The following CCNJL variants were observed in gnomAD, a reference collection of about 807,000 sequenced individuals.
CCNJL encodes the protein cyclin J like.
Under a neutral mutation model 33.4 loss-of-function variants are expected in CCNJL, and 33 were observed. The observed-to-expected ratio is 0.99, with a 90% CI of 0.75 to 1.32. CCNJL has a LOEUF of 1.32. Among genes scored for constraint, CCNJL ranks in the 40% most tolerant of loss-of-function variants. The pLI is 0.00. For synonymous variants in CCNJL, 227 were observed against 220.9 expected (o/e 1.03, Z -0.24); for missense variants, 512 against 499.7 (o/e 1.02, Z -0.23).
At chr5:160,323,262 A>ATTTG (rs1425888370) in intron 1 of CCNJL, among the ~76,000 whole-genome samples, 1 of 151,704 alleles carries the variant, frequency 6.6e-6, no homozygotes, top group Non-Finnish European at 1.5e-5. Context: ...TCCCTCAAAA[A>ATTTG]TTTGTTTGTT....
chr5:160,271,119 A>G (rs1389599245), intron 3 of CCNJL, among the ~76,000 whole-genome samples: 1 of 152,214 alleles, frequency 6.6e-6, no homozygotes, highest in East Asian at 1.9e-4. Context: ...ACACATAAAA[A>G]TAATCTCTAA....
intron 1 of CCNJL, among the ~76,000 whole-genome samples, chr5:160,320,858 T>C (rs1435656941): frequency 5.2e-4 from 75 of 143,212 alleles, no homozygotes; most frequent in African/African-American, 1.8e-3. Flanking sequence ...TCCTTCTTTC[T>C]TTCTTTCTTT....
chr5:160,288,756 G>A (rs1054237632), intron 2 of CCNJL, among the ~76,000 whole-genome samples: 4 of 151,256 alleles, frequency 2.6e-5, no homozygotes, highest in Admixed American at 6.6e-5. Context: ...CATGAACCCG[G>A]GGGGGCGGAG....
chr5:160,254,536 A>C, intron 5 of CCNJL: 1 of 431,944 alleles, frequency 2.3e-6, no homozygotes, highest in Non-Finnish European at 4.1e-6. Context: ...AGCTGCCAGC[A>C]AAGCTTCCCA....
chr5:160,282,369 CAG>C (rs377602562), intron 2 of CCNJL, among the ~76,000 whole-genome samples: 1,803 of 152,196 alleles, frequency 0.012, 33 homozygotes, highest in African/African-American at 0.04. Context: ...TAGAAGAAAA[CAG>C]GGGGAAATCT....
intron 1 of CCNJL, among the ~76,000 whole-genome samples, chr5:160,320,863 T>TTCTTTCTTTCTTTCTC (rs1763440840): frequency 7.1e-6 from 1 of 141,226 alleles, no homozygotes; most frequent in Non-Finnish European, 1.6e-5. Context: ...CTTTCTTTCT[T>TTCTTTCTTTCTTTCTC]TCTTTCTCTC....
At chr5:160,281,534 A>G (rs1234598634) in intron 2 of CCNJL, 1 of 152,346 alleles carries the variant, frequency 6.6e-6, no homozygotes, top group East Asian at 1.9e-4. Flanking sequence ...TAACTCAAGA[A>G]AAACCAATAA....
chr5:160,280,768 G>A (rs987800964), intron 2 of CCNJL, 30 bp from the exon 3 acceptor site: 14 of 1,446,398 alleles, frequency 9.7e-6, no homozygotes, highest in African/African-American at 1.4e-5. Flanking sequence ...GAGGGGTGAC[G>A]GTCAGGGCTG....
chr5:160,300,615 T>C (rs1472795183), intron 2 of CCNJL, among the ~76,000 whole-genome samples: 1 of 152,164 alleles, frequency 6.6e-6, no homozygotes, highest in African/African-American at 2.4e-5. Context: ...CTTCTTCCAG[T>C]GTGGCCCAAG....
intron 1 of CCNJL, among the ~76,000 whole-genome samples, chr5:160,321,668 G>A (rs1246349570): frequency 6.6e-6 from 1 of 152,116 alleles, no homozygotes; most frequent in Non-Finnish European, 1.5e-5. Flanking sequence ...CTGGCCGGGC[G>A]CGGTGGCTCA....
upstream of CCNJL, chr5:160,315,482 G>C (rs773771576): frequency 4.6e-6 from 2 of 432,140 alleles, no homozygotes; most frequent in Non-Finnish European, 9.5e-6. Context: ...ACTCCAGCCT[G>C]GGCAACAGAG....
At chr5:160,318,410 A>G (rs575570002) in intron 1 of CCNJL, among the ~76,000 whole-genome samples, 3 of 152,334 alleles carry the variant, frequency 2.0e-5, no homozygotes, top group South Asian at 2.1e-4. Context: ...CAATGAACCT[A>G]TTTCCTAATA....
chr5:160,330,660 C>G (rs1763594847), intron 1 of CCNJL, among the ~76,000 whole-genome samples: 1 of 106,346 alleles, frequency 9.4e-6, no homozygotes, highest in South Asian at 2.8e-4. Flanking sequence ...CTGCTCCTGT[C>G]TTTTCTTTTC....
At chr5:160,336,681 A>T (rs1182258398) in intron 1 of CCNJL, among the ~76,000 whole-genome samples, 1 of 152,062 alleles carries the variant, frequency 6.6e-6, no homozygotes, top group African/African-American at 2.4e-5. Flanking sequence ...AACAAACTCT[A>T]TTTACTCACC....
chr5:160,273,444 A>T (rs1761906392), intron 3 of CCNJL, among the ~76,000 whole-genome samples: 1 of 152,118 alleles, frequency 6.6e-6, no homozygotes, highest in South Asian at 2.1e-4. Flanking sequence ...TTGACACCAA[A>T]ATCACCAACA....
rs1179756550 is a variant in CCNJL, at chr5:160,255,641, G to A, written c.651C>T (p.Cys217=). The change falls in exon 5 of 6, where the codon TGC becomes TGT. Residue 217 remains cysteine (C), a synonymous_variant. Coordinates refer to ENST00000257536, the MANE Select transcript of CCNJL (RefSeq NM_001308173.3). ...TGGTCCAGTAGGGAGAAAGCTGCAG[G>A]CAAATCCTGGAGGCCCCAACACAGG... ...AAACVGASRI[C]LQLSPYWTRD... The A allele has an allele frequency of 6.2e-7, 1 of 1,613,892 alleles. No individual in the cohort carries two copies. Among genetic ancestry groups the A allele is most frequent in the African/African-American group, 1.3e-5 (1 of 74,922 alleles).
At position 160,277,925 on chromosome 5, in the gene CCNJL, G is replaced by A. The variant is rs145282954; in HGVS notation, c.280+2600C>T. Among the ~76,000 whole-genome samples, 958 of 151,330 alleles carry A rather than the reference G, an allele frequency of 6.3e-3. 6 individuals carry two copies. The highest frequency in any genetic ancestry group is 0.022 in the African/African-American group (912 of 41,228). ...GCCTGGCTAATTGCTTTTTTTTTCTGAGATGGGGTTTCGTTCTTGTTGCCC... is the reference window on the plus strand; with the variant it reads ...GCCTGGCTAATTGCTTTTTTTTTCTAAGATGGGGTTTCGTTCTTGTTGCCC... On this transcript the variant is annotated intron_variant, in intron 3 of 5. Coordinates refer to ENST00000257536, the MANE Select transcript of CCNJL (RefSeq NM_001308173.3).
chr5:160,253,123 G>T lies in CCNJL; in HGVS notation c.*255C>A. 1 of 394,936 alleles carries T rather than the reference G, an allele frequency of 2.5e-6. No individual in the cohort carries two copies. 24.5% of individuals were successfully genotyped at this position (394,936 alleles called of 1,614,324 possible). A position where few individuals can be genotyped will look rare whatever the true frequency, so the allele number is the denominator to read the frequency against. Reference sequence around the variant, plus strand: ...CTCGATTCACTGGGCCCCTGTGTGGGGGGACGGCCACCAAGCCATCCTTTT... The same window carrying T: ...CTCGATTCACTGGGCCCCTGTGTGGTGGGACGGCCACCAAGCCATCCTTTT... On this transcript the variant is annotated 3_prime_UTR_variant, in exon 6 of 6. Transcript: ENST00000257536.
intron 2 of CCNJL, among the ~76,000 whole-genome samples, chr5:160,303,750 AC>A (rs1763003930): frequency 6.8e-6 from 1 of 147,290 alleles, no homozygotes; most frequent in African/African-American, 2.5e-5. Flanking sequence ...GTGTGTAATA[AC>A]TCAAAAAGAA....
Sources: gnomAD v4.1 joint callset for allele counts (sites outside exome capture counted in the v4.1 genomes callset) on GRCh38, gnomAD v4.1.1 for gene constraint, MANE v1.5 for transcripts, NCBI Gene and HGNC (gene_info 2026-07-23, HGNC 2026-07-21) for gene names.